Variants in SLC4A10 observed in about 807,000 individuals in gnomAD.
SLC4A10 encodes sodium-driven chloride bicarbonate exchanger.
Under a neutral mutation model 137.7 loss-of-function variants are expected in SLC4A10, and 42 were observed. The ratio of observed to expected loss-of-function variants is 0.30; its 90% CI spans 0.24 to 0.39. The LOEUF (loss-of-function observed/expected upper bound fraction) is 0.39, where lower values mean the gene tolerates loss of function less well. Among genes scored for constraint, SLC4A10 ranks in the 10% least tolerant of loss-of-function variants. The pLI is 1.00. For missense variants in SLC4A10, 925 were observed against 1,355.0 expected (o/e 0.68, Z 4.98); for synonymous variants, 474 against 464.1 (o/e 1.02, Z -0.27).
At chr2:161,782,239 C>T (rs1361621382) in intron 2 of SLC4A10, among the ~76,000 whole-genome samples, 1 of 152,048 alleles carries the variant, frequency 6.6e-6, no homozygotes, top group Non-Finnish European at 1.5e-5. Flanking sequence ...AATTCAGTCT[C>T]ACTCATCCTG....
intron 1 of SLC4A10, among the ~76,000 whole-genome samples, chr2:161,674,517 T>G (rs1271206574): frequency 6.6e-6 from 1 of 152,188 alleles, no homozygotes; most frequent in Non-Finnish European, 1.5e-5. Context: ...ATCATCTTTC[T>G]GTAATAGAAG....
At chr2:161,706,512 C>A (rs1559073558) in intron 1 of SLC4A10, among the ~76,000 whole-genome samples, 2 of 151,436 alleles carry the variant, frequency 1.3e-5, no homozygotes, top group Non-Finnish European at 3.0e-5. Flanking sequence ...TGGTTCAGGC[C>A]ATCATCATCC....
At position 161,975,825 on chromosome 2, in the gene SLC4A10, A is replaced by T. The variant is rs11886223; in HGVS notation, c.3228-935A>T. On this transcript the variant is annotated intron_variant, in intron 24 of 26. Coordinates refer to ENST00000446997, the MANE Select transcript of SLC4A10 (RefSeq NM_001178015.2). ...AAGGACAAGGCCCCCAGGCAGCACC[A>T]TGCCCATTGTGTTCCAGAACAGTCA... Among the ~76,000 whole-genome samples the T allele has an allele frequency of 2.2e-3, 334 of 152,346 alleles. 1 individual carries two copies. Among genetic ancestry groups the T allele is most frequent in the African/African-American group, 7.5e-3 (313 of 41,580 alleles).
chr2:161,789,687 C>A (rs1057444955), intron 2 of SLC4A10, among the ~76,000 whole-genome samples: 1 of 152,100 alleles, frequency 6.6e-6, no homozygotes, highest in Non-Finnish European at 1.5e-5. Flanking sequence ...TTATGTATGA[C>A]TGTACATAAC....
At chr2:161,867,177 A>G (rs560126506) in intron 6 of SLC4A10, among the ~76,000 whole-genome samples, 2 of 152,048 alleles carry the variant, frequency 1.3e-5, no homozygotes, top group Admixed American at 6.6e-5. Flanking sequence ...ACACATATGT[A>G]TTGTGCATAA....
intron 1 of SLC4A10, among the ~76,000 whole-genome samples, chr2:161,632,598 A>G (rs2105417780): frequency 6.6e-6 from 1 of 151,702 alleles, no homozygotes; most frequent in Non-Finnish European, 1.5e-5. Context: ...AAATATAAAA[A>G]TTTGGTATTT....
intron 1 of SLC4A10, among the ~76,000 whole-genome samples, chr2:161,626,923 C>A (rs1415919087): frequency 6.6e-6 from 1 of 151,998 alleles, no homozygotes; most frequent in Non-Finnish European, 1.5e-5. Context: ...GACGACTTTG[C>A]AAATAATTTT....
chr2:161,743,100 G>A (rs2048079017), intron 1 of SLC4A10, among the ~76,000 whole-genome samples: 1 of 152,094 alleles, frequency 6.6e-6, no homozygotes, highest in African/African-American at 2.4e-5. Flanking sequence ...TTTATTTGCT[G>A]TACAGAAGCT....
At chr2:161,848,834 T>G (rs1258490610) in intron 4 of SLC4A10, among the ~76,000 whole-genome samples, 1 of 152,196 alleles carries the variant, frequency 6.6e-6, no homozygotes, top group Non-Finnish European at 1.5e-5. Flanking sequence ...AGCTTCATTC[T>G]TTTTGTTCAG....
intron 12 of SLC4A10, chr2:161,901,967 C>T: frequency 2.2e-6 from 1 of 453,466 alleles, no homozygotes; most frequent in Non-Finnish European, 4.4e-6. Flanking sequence ...GTGTAACATG[C>T]CACATAGCTT....
chr2:161,753,908 G>C (rs1438414728), intron 1 of SLC4A10, among the ~76,000 whole-genome samples: 1 of 104,100 alleles, frequency 9.6e-6, no homozygotes, highest in African/African-American at 3.7e-5. Context: ...ATTTATTTTT[G>C]GGACAGAGCC....
chr2:161,789,009 A>G (rs1213196101), intron 2 of SLC4A10, among the ~76,000 whole-genome samples: 1 of 152,194 alleles, frequency 6.6e-6, no homozygotes, highest in Non-Finnish European at 1.5e-5. Context: ...CAAAGTCAGA[A>G]GGGGTTCTGA....
chr2:161,755,713 C>T (rs951236224), intron 1 of SLC4A10, among the ~76,000 whole-genome samples: 1 of 151,940 alleles, frequency 6.6e-6, no homozygotes, highest in Non-Finnish European at 1.5e-5. Flanking sequence ...TCTCATTTAG[C>T]TATTTCTGTG....
intron 1 of SLC4A10, among the ~76,000 whole-genome samples, chr2:161,703,581 G>A (rs1483242329): frequency 1.3e-5 from 2 of 151,550 alleles, no homozygotes; most frequent in African/African-American, 4.8e-5. Flanking sequence ...GGTACAAAAA[G>A]TTAGTCAAAT....
chr2:161,702,995 G>T (rs1479060787), intron 1 of SLC4A10, among the ~76,000 whole-genome samples: 1 of 151,558 alleles, frequency 6.6e-6, no homozygotes, highest in African/African-American at 2.4e-5. Flanking sequence ...TTAACTTTTT[G>T]AGACCATTTT....
chr2:161,944,167 A>G (rs1182045156), intron 16 of SLC4A10, among the ~76,000 whole-genome samples: 1 of 151,904 alleles, frequency 6.6e-6, no homozygotes, highest in Non-Finnish European at 1.5e-5. Context: ...TAAACTGAAC[A>G]ATAAAAGAAT....
intron 3 of SLC4A10, among the ~76,000 whole-genome samples, chr2:161,839,530 TTTA>T (rs1443629875): frequency 6.6e-6 from 1 of 151,904 alleles, no homozygotes; most frequent in Non-Finnish European, 1.5e-5. Context: ...TCATATTTTA[TTTA>T]TTATTTATTA....
In SLC4A10 at chr2:161,716,178, G is replaced by T. The variant is rs797016689; in HGVS notation, c.49-54795G>T. On this transcript the variant is annotated intron_variant, in intron 1 of 26. Transcript: ENST00000446997. ...ATGTCCTTTGCCCACTTTTTGATGG[G>T]TTTTTTTTTTTTCTTGTAAATTTGT... is the stretch of plus-strand genomic sequence containing the variant. 5.9e-4 allele frequency among the ~76,000 whole-genome samples: 86 copies of T among 146,366 alleles called. 1 individual carries two copies. Among genetic ancestry groups the T allele is most frequent in the African/African-American group, 1.8e-3 (74 of 40,088 alleles).
chr2:161,931,218 A>G (rs200744104), intron 15 of SLC4A10: 1 of 152,286 alleles, frequency 6.6e-6, no homozygotes, highest in Non-Finnish European at 1.5e-5. Context: ...GGCTGTTGCC[A>G]CAGCCATTGG....
Sources: gnomAD v4.1 joint callset for allele counts (sites outside exome capture counted in the v4.1 genomes callset) on GRCh38, gnomAD v4.1.1 for gene constraint, MANE v1.5 for transcripts, NCBI Gene and HGNC (gene_info 2026-07-23, HGNC 2026-07-21) for gene names.